The following KIF6 variants were observed in gnomAD, a reference collection of about 807,000 sequenced individuals.
KIF6 encodes kinesin family member 6, also known as kinesin-like protein KIF6.
KIF6 carries 106 observed loss-of-function variants against 112.7 expected under a neutral mutation model. The ratio of observed to expected loss-of-function variants is 0.94; its 90% CI spans 0.80 to 1.11. The LOEUF is 1.11. Ranked by LOEUF, KIF6 falls within the 50% of genes least tolerant of loss-of-function variation. The pLI is 0.00. For synonymous variants in KIF6, 339 were observed against 339.9 expected (o/e 1.00, Z 0.03); for missense variants, 929 against 964.0 (o/e 0.96, Z 0.48).
Position 39,423,479 on chromosome 6 carries a change from C to T in KIF6, c.1755-3476G>A, listed in dbSNP as rs1380238196. On this transcript the variant is annotated intron_variant, in intron 14 of 22. Coordinates refer to ENST00000287152, the MANE Select transcript of KIF6 (RefSeq NM_145027.6). ...AGGCCCACTCCTCATTTTCCCTACT[C>T]CCTGTAGGCATTCCCTTTATGCCAG... 1.3e-5 allele frequency among the ~76,000 whole-genome samples: 2 copies of T among 152,060 alleles called. 1 individual carries two copies. Among genetic ancestry groups the T allele is most frequent in the South Asian group, 4.2e-4 (2 of 4,812 alleles).
intron 6 of KIF6, among the ~76,000 whole-genome samples, chr6:39,609,288 G>A (rs1330655376): frequency 2.0e-5 from 3 of 152,146 alleles, no homozygotes; most frequent in African/African-American, 7.2e-5. Context: ...AGGGGACCCC[G>A]GACTTTCCCA....
At chr6:39,423,103 A>C (rs749679436) in intron 14 of KIF6, among the ~76,000 whole-genome samples, 12 of 152,152 alleles carry the variant, frequency 7.9e-5, no homozygotes, top group Non-Finnish European at 1.6e-4. Context: ...TGGGGAGTGT[A>C]AGATAGCTGG....
At chr6:39,584,205 T>G (rs2150656373) in intron 9 of KIF6, among the ~76,000 whole-genome samples, 1 of 151,808 alleles carries the variant, frequency 6.6e-6, no homozygotes, top group Non-Finnish European at 1.5e-5. Context: ...GTGGACTGCC[T>G]GAGCTCAGGA....
At chr6:39,432,306 G>A (rs1346305300) in intron 13 of KIF6, among the ~76,000 whole-genome samples, 2 of 152,162 alleles carry the variant, frequency 1.3e-5, no homozygotes, top group Non-Finnish European at 2.9e-5. Flanking sequence ...AAGCTGGGTG[G>A]TGCTGAGCCT....
At chr6:39,395,886 A>G (rs1161726231) in intron 15 of KIF6, among the ~76,000 whole-genome samples, 3 of 152,250 alleles carry the variant, frequency 2.0e-5, no homozygotes, top group Admixed American at 2.0e-4. Context: ...TTTGCAGTGA[A>G]TATAGTTTTA....
rs1296082382 is a variant in KIF6 at position 39,346,465 on chromosome 6, G to T, written c.2231+11C>A. On this transcript the variant is annotated intron_variant, in intron 20 of 22. Coordinates refer to ENST00000287152, the MANE Select transcript of KIF6 (RefSeq NM_145027.6). ...AGACAGCTGTCTATGAACCGGGAAGGGGGTCCTCACCAGACATCGAATCTG... is the reference window on the plus strand; with the variant it reads ...AGACAGCTGTCTATGAACCGGGAAGTGGGTCCTCACCAGACATCGAATCTG... 5 of 716,620 alleles carry T rather than the reference G, an allele frequency of 7.0e-6. No individual in the cohort carries two copies. Among genetic ancestry groups the T allele is most frequent in the Non-Finnish European group, 1.3e-5 (5 of 385,020 alleles). The allele number at this position is 716,620 out of a possible 1,614,324, so 44.4% of individuals were successfully genotyped here.
At chr6:39,455,799 G>A (rs1773049809) in intron 13 of KIF6, among the ~76,000 whole-genome samples, 1 of 151,324 alleles carries the variant, frequency 6.6e-6, no homozygotes, top group South Asian at 2.1e-4. Context: ...ATGAAATGAA[G>A]CGAGAAGGGA....
intron 13 of KIF6, among the ~76,000 whole-genome samples, chr6:39,506,146 T>C (rs1217923689): frequency 6.6e-6 from 1 of 152,170 alleles, no homozygotes; most frequent in Admixed American, 6.5e-5. Context: ...ATATGGCACA[T>C]ATACACCATG....
chr6:39,562,978 C>G (rs952980731), intron 10 of KIF6, among the ~76,000 whole-genome samples: 18 of 152,112 alleles, frequency 1.2e-4, no homozygotes, highest in Non-Finnish European at 2.1e-4. Flanking sequence ...TGGCTCACAC[C>G]TGTTGTAATC....
chr6:39,362,500 G>A lies in KIF6; in HGVS notation c.1880C>T (p.Ala627Val). 4 of 1,613,884 alleles carry A rather than the reference G, an allele frequency of 2.5e-6. No individual in the cohort carries two copies. Among genetic ancestry groups the A allele is most frequent in the Non-Finnish European group, 3.4e-6 (4 of 1,179,720 alleles). Residue 627 changes from alanine to valine, a missense_variant, in exon 17 of 23, where the codon GCC becomes GTC. Around this residue, in one of 2 missense-constraint regions of KIF6, gnomAD observed 241 missense variants for 301.4 expected, o/e 0.80. Coordinates refer to ENST00000287152, the MANE Select transcript of KIF6 (RefSeq NM_145027.6). ...QVALGISENM[A>V]VPLMPDQQEE... The stretch of plus-strand genomic sequence containing the variant: ...CTGCTGGTCTGGCATCAGAGGCACG[G>A]CCATGTTTTCCGAGATTCCTGTAGA...
intron 15 of KIF6, among the ~76,000 whole-genome samples, chr6:39,389,218 C>G (rs1290386532): frequency 4.6e-5 from 7 of 152,094 alleles, no homozygotes. Flanking sequence ...CATCAGTATT[C>G]AGTCTTCTGA....
intron 6 of KIF6, among the ~76,000 whole-genome samples, chr6:39,612,423 G>T (rs1783265864): frequency 6.6e-6 from 1 of 152,146 alleles, no homozygotes; most frequent in Non-Finnish European, 1.5e-5. Flanking sequence ...TCACCACAGT[G>T]TAGCTGGATG....
In KIF6 at chr6:39,471,583, A is replaced by G. The variant is rs1299755225; in HGVS notation, c.1646-40422T>C. 2.8e-4 allele frequency among the ~76,000 whole-genome samples: 43 copies of G among 152,194 alleles called. 1 individual carries two copies. ...CATGATGGCTGCAGGCTGTCTACCTAAAGGGTCTCAGTGTCCTGATCCTCA... is the reference window on the plus strand; with the variant it reads ...CATGATGGCTGCAGGCTGTCTACCTGAAGGGTCTCAGTGTCCTGATCCTCA... On this transcript the variant is annotated intron_variant, in intron 13 of 22. Coordinates refer to ENST00000287152, the MANE Select transcript of KIF6 (RefSeq NM_145027.6).
intron 3 of KIF6, among the ~76,000 whole-genome samples, chr6:39,702,008 T>G (rs1788903543): frequency 6.6e-6 from 1 of 152,184 alleles, no homozygotes; most frequent in Non-Finnish European, 1.5e-5. Flanking sequence ...TCTGATATAA[T>G]GAATAAAAAC....
intron 15 of KIF6, among the ~76,000 whole-genome samples, chr6:39,413,096 G>T (rs1188993837): frequency 6.6e-6 from 1 of 152,076 alleles, no homozygotes; most frequent in African/African-American, 2.4e-5. Context: ...AAGCAGTGTG[G>T]GTTCTGAGTG....
intron 16 of KIF6, among the ~76,000 whole-genome samples, chr6:39,362,935 G>A (rs1339627506): frequency 6.6e-6 from 1 of 152,190 alleles, no homozygotes; most frequent in East Asian, 1.9e-4. Flanking sequence ...GATCACCTGA[G>A]GTTAGGAGTT....
intron 13 of KIF6, among the ~76,000 whole-genome samples, chr6:39,485,440 C>T (rs1309734636): frequency 6.6e-6 from 1 of 152,146 alleles, no homozygotes; most frequent in Non-Finnish European, 1.5e-5. Context: ...TCTTTGATTG[C>T]TAACCATCTT....
intron 6 of KIF6, among the ~76,000 whole-genome samples, chr6:39,598,159 C>T (rs531676805): frequency 6.6e-5 from 10 of 151,926 alleles, no homozygotes; most frequent in South Asian, 2.1e-4. Flanking sequence ...TGCATTCCAG[C>T]GTGGGTGGCA....
At chr6:39,373,781 A>G (rs1222076620) in intron 16 of KIF6, among the ~76,000 whole-genome samples, 1 of 152,216 alleles carries the variant, frequency 6.6e-6, no homozygotes, top group Non-Finnish European at 1.5e-5. Flanking sequence ...AAGAATTAAT[A>G]TTGTTAAAAT....
Sources: allele counts gnomAD v4.1 joint callset (sites outside exome capture counted in the v4.1 genomes callset), GRCh38; gene constraint gnomAD v4.1.1; regional missense constraint gnomAD v4.1.1; transcripts MANE v1.5; gene names NCBI Gene and HGNC (gene_info 2026-07-23, HGNC 2026-07-21).